MSANTD5: variants seen among roughly 807,000 people sequenced by gnomAD.
MSANTD5 encodes uncharacterized protein MSANTD5.
At chr5:178,705,835 T>TA in the MSANTD5 span, among the ~76,000 whole-genome samples, 1 of 151,996 alleles carries the variant, frequency 6.6e-6, no homozygotes, top group Admixed American at 6.6e-5. Flanking sequence ...TGGGCGCCTG[T>TA]AGTCCCAGCT....
intron 1 of MSANTD5, among the ~76,000 whole-genome samples, chr5:178,697,271 G>A (rs111601207): frequency 0.096 from 14,168 of 148,106 alleles, 1,175 homozygotes; most frequent in African/African-American, 0.22. Context: ...TGGCTAACAC[G>A]GTGAAACCCC....
downstream of MSANTD5, among the ~76,000 whole-genome samples, chr5:178,694,315 CAAAAAA>C (rs56778816): frequency 4.9e-5 from 3 of 61,552 alleles, no homozygotes; most frequent in Admixed American, 5.8e-4. Context: ...GACTCCATCT[CAAAAAA>C]AAAAAAAAAA....
At chr5:178,698,749 C>CTTTTTTTTT (rs70997624), upstream of MSANTD5, among the ~76,000 whole-genome samples, 1 of 98,796 alleles carries the variant, frequency 1.0e-5, no homozygotes, top group Non-Finnish European at 1.9e-5. Context: ...CATGCTTGGC[C>CTTTTTTTTT]TTTTTTTTTT....
chr5:178,693,154 T>C (rs1765373973), downstream of MSANTD5, among the ~76,000 whole-genome samples: 1 of 151,524 alleles, frequency 6.6e-6, no homozygotes, highest in Non-Finnish European at 1.5e-5. Context: ...TACTAAAAAA[T>C]ACAAAAAAAT....
At chr5:178,706,785 G>A in the MSANTD5 span, among the ~76,000 whole-genome samples, 2 of 152,026 alleles carry the variant, frequency 1.3e-5, no homozygotes, top group Admixed American at 1.3e-4. Context: ...ACAGCCCTCA[G>A]GGGATATTTC....
At chr5:178,702,096 A>T (rs560536182), upstream of MSANTD5, among the ~76,000 whole-genome samples, 1 of 151,238 alleles carries the variant, frequency 6.6e-6, no homozygotes, top group African/African-American at 2.4e-5. Flanking sequence ...AAAAAAAAAA[A>T]TAAAAAAAGA....
At chr5:178,706,459 A>G in the MSANTD5 span, among the ~76,000 whole-genome samples, 3 of 151,884 alleles carry the variant, frequency 2.0e-5, no homozygotes, top group Non-Finnish European at 4.4e-5. Flanking sequence ...TGCATTCTAT[A>G]ATCTTCCAGT....
At chr5:178,699,940 C>CTA (rs1554092736), upstream of MSANTD5, among the ~76,000 whole-genome samples, 12 of 61,872 alleles carry the variant, frequency 1.9e-4, no homozygotes, top group South Asian at 5.8e-4. Context: ...TGTGGCTTTC[C>CTA]AGCACAGACA....
downstream of MSANTD5, among the ~76,000 whole-genome samples, chr5:178,692,072 TAAAAA>T (rs58907781): frequency 5.9e-4 from 54 of 91,164 alleles, 2 homozygotes; most frequent in East Asian, 0.011. Context: ...TGGCAGTTTC[TAAAAA>T]AAAAAAAAAA....
upstream of MSANTD5, among the ~76,000 whole-genome samples, chr5:178,698,356 A>T (rs1381224721): frequency 3.9e-5 from 6 of 152,066 alleles, no homozygotes; most frequent in African/African-American, 1.2e-4. Flanking sequence ...ACGGAGAAGG[A>T]GTGTGCTGAG....
chr5:178,705,593 G>A, the MSANTD5 span, among the ~76,000 whole-genome samples: 1 of 152,144 alleles, frequency 6.6e-6, no homozygotes, highest in South Asian at 2.1e-4. Flanking sequence ...CCTGGGTGAG[G>A]GTGTGACTGC....
chr5:178,699,434 C>CTTT (rs36114750), upstream of MSANTD5, among the ~76,000 whole-genome samples: 97 of 148,610 alleles, frequency 6.5e-4, no homozygotes, highest in East Asian at 1.6e-3. Context: ...TTCTTTCCTT[C>CTTT]TTTTTTTTTT....
At chr5:178,698,066 T>A (rs1765438229), upstream of MSANTD5, among the ~76,000 whole-genome samples, 1 of 152,114 alleles carries the variant, frequency 6.6e-6, no homozygotes, top group Non-Finnish European at 1.5e-5. Context: ...AGCTTTGTCC[T>A]TAGGGTTTGA....
At chr5:178,697,313 G>C (rs926925190) in intron 1 of MSANTD5, among the ~76,000 whole-genome samples, 1 of 151,686 alleles carries the variant, frequency 6.6e-6, no homozygotes, top group Non-Finnish European at 1.5e-5. Flanking sequence ...AATTAGCCGG[G>C]CGTGGTGGCG....
downstream of MSANTD5, among the ~76,000 whole-genome samples, chr5:178,693,514 C>T (rs546565166): frequency 2.6e-5 from 4 of 152,104 alleles, no homozygotes; most frequent in East Asian, 3.9e-4. Context: ...AATGAAGCCA[C>T]GTACCTTCAC....
chr5:178,692,681 A>G (rs1765369165), downstream of MSANTD5, among the ~76,000 whole-genome samples: 1 of 152,098 alleles, frequency 6.6e-6, no homozygotes. Flanking sequence ...GCTATTCCCA[A>G]AAGGCTACAT....
downstream of MSANTD5, among the ~76,000 whole-genome samples, chr5:178,692,859 C>A (rs868531386): frequency 6.6e-6 from 1 of 151,832 alleles, no homozygotes; most frequent in Non-Finnish European, 1.5e-5. Context: ...TTGACTGTAT[C>A]GATGTCAATA....
chr5:178,699,684 T>C (rs1765456113), upstream of MSANTD5, among the ~76,000 whole-genome samples: 1 of 152,218 alleles, frequency 6.6e-6, no homozygotes, highest in Admixed American at 6.5e-5. Context: ...ATGCTGGGAT[T>C]ACAGGCTTGA....
At chr5:178,692,780 G>A (rs73334826), downstream of MSANTD5, among the ~76,000 whole-genome samples, 8,203 of 151,992 alleles carry the variant, frequency 0.054, 797 homozygotes, top group African/African-American at 0.19. Context: ...GTTAAGGAGG[G>A]GCTGAGGGCG....
Sources: gnomAD v4.1 joint callset for allele counts (sites outside exome capture counted in the v4.1 genomes callset) on GRCh38, gnomAD v4.1.1 for gene constraint, MANE v1.5 for transcripts, NCBI Gene and HGNC (gene_info 2026-07-23, HGNC 2026-07-21) for gene names.